Variants in ANO4 observed in about 807,000 individuals in gnomAD.
The protein encoded by ANO4 is anoctamin 4, also known as anoctamin-4.
In ANO4, 69 loss-of-function variants were observed where a neutral mutation model predicts 141.9. The ratio of observed to expected loss-of-function variants is 0.49; its 90% CI spans 0.40 to 0.59. The LOEUF is 0.59. Among genes scored for constraint, ANO4 ranks in the 20% least tolerant of loss-of-function variants. The probability of loss-of-function intolerance (pLI) is 0.00; values close to 1 mark genes in which losing one functional copy is unlikely to be tolerated. For synonymous variants in ANO4, 350 were observed against 394.3 expected (o/e 0.89, Z 1.33); for missense variants, 894 against 1,162.2 (o/e 0.77, Z 3.36).
At chr12:100,933,281 C>T (rs2042155208) in intron 3 of ANO4, among the ~76,000 whole-genome samples, 1 of 152,044 alleles carries the variant, frequency 6.6e-6, no homozygotes, top group Non-Finnish European at 1.5e-5. Flanking sequence ...CCCCCCATCC[C>T]ACAACAGGCC....
At chr12:100,779,677 A>G (rs1185374811) in intron 3 of ANO4, among the ~76,000 whole-genome samples, 1 of 152,204 alleles carries the variant, frequency 6.6e-6, no homozygotes, top group Non-Finnish European at 1.5e-5. Context: ...TTGGTATGCC[A>G]GACTCCCCAA....
At chr12:101,089,504 A>G (rs2049661225) in intron 17 of ANO4, among the ~76,000 whole-genome samples, 1 of 152,128 alleles carries the variant, frequency 6.6e-6, no homozygotes, top group South Asian at 2.1e-4. Context: ...TAACTGTGGA[A>G]TACACATTGT....
intron 9 of ANO4, among the ~76,000 whole-genome samples, chr12:101,032,762 A>G (rs899016870): frequency 1.3e-5 from 2 of 151,564 alleles, no homozygotes; most frequent in African/African-American, 4.9e-5. Flanking sequence ...TCAAAACCAC[A>G]ATGAGATATC....
At chr12:100,997,101 C>T (rs1194330805) in intron 8 of ANO4, among the ~76,000 whole-genome samples, 1 of 151,890 alleles carries the variant, frequency 6.6e-6, no homozygotes, top group Admixed American at 6.6e-5. Flanking sequence ...TTTGGGAGGC[C>T]GAGGCAGGCG....
chr12:100,931,139 A>T (rs2042075583), intron 3 of ANO4, among the ~76,000 whole-genome samples: 1 of 152,182 alleles, frequency 6.6e-6, no homozygotes, highest in African/African-American at 2.4e-5. Flanking sequence ...TTTGAAGAAT[A>T]ATGAGCATCT....
intron 3 of ANO4, among the ~76,000 whole-genome samples, chr12:100,936,381 C>A (rs1425252973): frequency 1.3e-5 from 2 of 152,106 alleles, no homozygotes; most frequent in Non-Finnish European, 2.9e-5. Context: ...TTCACTGTCC[C>A]CCTCTCCCCA....
At chr12:100,867,133 CTG>C (rs1389371338) in intron 1 of ANO4, among the ~76,000 whole-genome samples, 1 of 152,162 alleles carries the variant, frequency 6.6e-6, no homozygotes, top group African/African-American at 2.4e-5. Context: ...GCACCACACT[CTG>C]TGTTGATTGC....
chr12:100,963,452 A>G (rs1413255680), intron 5 of ANO4, among the ~76,000 whole-genome samples: 1 of 152,064 alleles, frequency 6.6e-6, no homozygotes, highest in African/African-American at 2.4e-5. Context: ...ATAGTACTTC[A>G]AGAGGCTTCT....
At chr12:100,972,128 A>G (rs143668010) in intron 6 of ANO4, among the ~76,000 whole-genome samples, 63 of 152,322 alleles carry the variant, frequency 4.1e-4, no homozygotes, top group Admixed American at 1.2e-3. Flanking sequence ...GGAATCTGCT[A>G]AAAAGATGGA....
intron 1 of ANO4, among the ~76,000 whole-genome samples, chr12:100,828,757 C>T (rs966548489): frequency 1.3e-5 from 2 of 151,990 alleles, no homozygotes; most frequent in Non-Finnish European, 2.9e-5. Flanking sequence ...CTTCATATAG[C>T]TTATCAAATC....
chr12:100,913,646 G>A (rs2041211074), intron 2 of ANO4, among the ~76,000 whole-genome samples: 1 of 152,208 alleles, frequency 6.6e-6, no homozygotes, highest in Admixed American at 6.5e-5. Flanking sequence ...TGGGGGTCTT[G>A]GAATGTATCC....
intron 2 of ANO4, among the ~76,000 whole-genome samples, chr12:100,736,220 T>C (rs1363799512): frequency 1.3e-5 from 2 of 152,114 alleles, no homozygotes; most frequent in African/African-American, 4.8e-5. Flanking sequence ...TTTAAGGTGC[T>C]TTTTTCAATG....
At chr12:100,902,723 C>T (rs7298758) in intron 2 of ANO4, among the ~76,000 whole-genome samples, 6,491 of 152,226 alleles carry the variant, frequency 0.043, 459 homozygotes, top group African/African-American at 0.15. Context: ...ACACCAGGGC[C>T]GTTGGGCATG....
intron 1 of ANO4, among the ~76,000 whole-genome samples, chr12:100,831,394 C>T (rs900185704): frequency 2.0e-5 from 3 of 152,086 alleles, no homozygotes; most frequent in African/African-American, 7.2e-5. Flanking sequence ...TTTTGATTTT[C>T]TGTTTTTGAA....
intron 8 of ANO4, among the ~76,000 whole-genome samples, chr12:101,018,414 G>T (rs2046394965): frequency 6.6e-6 from 1 of 152,174 alleles, no homozygotes; most frequent in African/African-American, 2.4e-5. Context: ...TCCAAGAGAA[G>T]TAAAAGTGAG....
chr12:100,756,086 TATTA>T (rs761650657), intron 3 of ANO4, among the ~76,000 whole-genome samples: 15 of 152,222 alleles, frequency 9.9e-5, no homozygotes, highest in African/African-American at 1.4e-4. Context: ...ACATTTTTCT[TATTA>T]ATTAAAATGC....
At chr12:101,083,129 G>A (rs1273960525) in intron 15 of ANO4, among the ~76,000 whole-genome samples, 1 of 152,084 alleles carries the variant, frequency 6.6e-6, no homozygotes, top group African/African-American at 2.4e-5. Flanking sequence ...AAAGATGAAT[G>A]ACTCCTATAG....
At chr12:100,903,327 G>A (rs898984217) in intron 2 of ANO4, among the ~76,000 whole-genome samples, 9 of 152,048 alleles carry the variant, frequency 5.9e-5, no homozygotes, top group African/African-American at 1.9e-4. Context: ...AACTTTCCTG[G>A]TTTCTCCCAC....
intron 2 of ANO4, among the ~76,000 whole-genome samples, chr12:100,921,165 C>G (rs1420422503): frequency 6.6e-6 from 1 of 152,084 alleles, no homozygotes; most frequent in Admixed American, 6.6e-5. Context: ...CATGCCAGCT[C>G]CTGTTCTAAG....
Sources: gnomAD v4.1 joint callset for allele counts (sites outside exome capture counted in the v4.1 genomes callset) on GRCh38, gnomAD v4.1.1 for gene constraint, MANE v1.5 for transcripts, NCBI Gene and HGNC (gene_info 2026-07-23, HGNC 2026-07-21) for gene names.